The following TYR variants were observed in gnomAD, a reference collection of about 807,000 sequenced individuals.
TYR encodes LB24-AB.
A neutral mutation model predicts 51.5 loss-of-function variants in TYR; 58 were observed. That is an observed-to-expected ratio of 1.13 (90% CI 0.91 to 1.40). The LOEUF is 1.40. TYR is among the 40% of genes most tolerant of loss of function. The pLI, the probability that TYR is intolerant of heterozygous loss-of-function variation, is 0.00. For missense variants in TYR, 732 were observed against 647.4 expected (o/e 1.13, Z -1.42); for synonymous variants, 263 against 235.2 (o/e 1.12, Z -1.08).
intron 4 of TYR, among the ~76,000 whole-genome samples, chr11:89,292,684 T>C (rs1944863655): frequency 6.6e-6 from 1 of 152,166 alleles, no homozygotes; most frequent in Admixed American, 6.5e-5. Context: ...CCCTGGTTTC[T>C]GCTGAACCAG....
At chr11:89,203,733 A>G (rs1943630735) in intron 2 of TYR, among the ~76,000 whole-genome samples, 1 of 152,194 alleles carries the variant, frequency 6.6e-6, no homozygotes, top group African/African-American at 2.4e-5. Context: ...TAACCTAGAA[A>G]CACCCAGAGG....
intron 3 of TYR, among the ~76,000 whole-genome samples, chr11:89,266,887 C>A (rs1476889716): frequency 6.6e-6 from 1 of 151,864 alleles, no homozygotes; most frequent in East Asian, 1.9e-4. Context: ...TGGATTCCTA[C>A]CAAACCATGT....
intron 3 of TYR, among the ~76,000 whole-genome samples, chr11:89,272,818 G>A (rs1009293415): frequency 3.3e-5 from 5 of 151,798 alleles, no homozygotes; most frequent in Non-Finnish European, 5.9e-5. Flanking sequence ...GCTTCACCTG[G>A]CACTTTTATT....
chr11:89,288,190 A>G (rs1027968301), intron 4 of TYR, among the ~76,000 whole-genome samples: 1 of 151,974 alleles, frequency 6.6e-6, no homozygotes, highest in African/African-American at 2.4e-5. Flanking sequence ...TGCGAGAGAC[A>G]TCAGCATATA....
chr11:89,247,111 T>C (rs1321112858), intron 3 of TYR, among the ~76,000 whole-genome samples: 1 of 152,196 alleles, frequency 6.6e-6, no homozygotes, highest in African/African-American at 2.4e-5. Flanking sequence ...ATTATAGTCA[T>C]ATTTGTCTAT....
At chr11:89,184,660 C>T (rs1195249785) in intron 1 of TYR, among the ~76,000 whole-genome samples, 1 of 152,050 alleles carries the variant, frequency 6.6e-6, no homozygotes, top group African/African-American at 2.4e-5. Context: ...TTTGTTGAAA[C>T]AGAAATTATT....
In TYR at chr11:89,247,600, C is replaced by T. The variant is rs1171367767; in HGVS notation, c.1184+19630C>T. On this transcript the variant is annotated intron_variant, in intron 3 of 4. Transcript: ENST00000263321. ...GCTTAAAGGCAGGGGGAAAAAGAAA[C>T]ATGACTTGTCATTATTGCTGAAATC... Among the ~76,000 whole-genome samples the T allele has an allele frequency of 2.0e-5, 3 of 152,096 alleles. No homozygotes were observed. In the East Asian group the frequency reaches 5.8e-4, roughly 29 times the overall value.
chr11:89,274,788 T>G (rs1944632741), intron 3 of TYR, among the ~76,000 whole-genome samples: 1 of 151,786 alleles, frequency 6.6e-6, no homozygotes, highest in African/African-American at 2.4e-5. Context: ...TTTCCCCTCT[T>G]TTGTGTTCAT....
At chr11:89,260,079 A>G (rs1442726460) in intron 3 of TYR, among the ~76,000 whole-genome samples, 1 of 152,002 alleles carries the variant, frequency 6.6e-6, no homozygotes, top group Non-Finnish European at 1.5e-5. Context: ...TTAAAAAGAG[A>G]TTGTATATTT....
At chr11:89,189,753 G>T (rs930967748) in intron 1 of TYR, among the ~76,000 whole-genome samples, 1 of 151,932 alleles carries the variant, frequency 6.6e-6, no homozygotes, top group African/African-American at 2.4e-5. Flanking sequence ...GATAGATGAG[G>T]CCTAGACAGT....
At chr11:89,269,058 G>A (rs1235663768) in intron 3 of TYR, among the ~76,000 whole-genome samples, 1 of 151,882 alleles carries the variant, frequency 6.6e-6, no homozygotes, top group Non-Finnish European at 1.5e-5. Context: ...ATCACAACAT[G>A]GAGAGAGATC....
intron 2 of TYR, among the ~76,000 whole-genome samples, chr11:89,192,943 G>A (rs1388148698): frequency 6.6e-6 from 1 of 152,092 alleles, no homozygotes; most frequent in Non-Finnish European, 1.5e-5. Flanking sequence ...AAGTACCAAA[G>A]TCCAAGTTCT....
intron 3 of TYR, among the ~76,000 whole-genome samples, chr11:89,258,447 C>CAA (rs1234640987): frequency 3.7e-4 from 42 of 114,488 alleles, no homozygotes; most frequent in African/African-American, 1.2e-3. Flanking sequence ...TGAAAATGTG[C>CAA]AAAAAAAAAA....
intron 2 of TYR, among the ~76,000 whole-genome samples, chr11:89,202,942 C>A (rs912248388): frequency 1.3e-5 from 2 of 152,104 alleles, no homozygotes; most frequent in African/African-American, 4.8e-5. Flanking sequence ...TTAGTAAAAT[C>A]TCTAGTGTAA....
intron 3 of TYR, among the ~76,000 whole-genome samples, chr11:89,257,100 A>G (rs1944401706): frequency 6.6e-6 from 1 of 151,986 alleles, no homozygotes; most frequent in African/African-American, 2.4e-5. Context: ...AATAAACAAG[A>G]AGGAACAAGT....
chr11:89,262,891 A>G (rs1235427211), intron 3 of TYR, among the ~76,000 whole-genome samples: 1 of 150,206 alleles, frequency 6.7e-6, no homozygotes, highest in Non-Finnish European at 1.5e-5. Context: ...ACAACAACAA[A>G]GAAAATCTCA....
At chr11:89,266,962 G>C (rs908420485) in intron 3 of TYR, among the ~76,000 whole-genome samples, 1 of 151,938 alleles carries the variant, frequency 6.6e-6, no homozygotes, top group African/African-American at 2.4e-5. Context: ...CAATAGGAAT[G>C]ATATCCTTTT....
intron 2 of TYR, among the ~76,000 whole-genome samples, chr11:89,195,453 T>C (rs1422748768): frequency 1.3e-5 from 2 of 152,022 alleles, no homozygotes; most frequent in African/African-American, 4.8e-5. Flanking sequence ...CCAAGGCAGG[T>C]GGATCACCTG....
At chr11:89,213,603 G>A (rs1277247537) in intron 2 of TYR, among the ~76,000 whole-genome samples, 1 of 151,980 alleles carries the variant, frequency 6.6e-6, no homozygotes, top group Non-Finnish European at 1.5e-5. Context: ...AGATCATATG[G>A]AACCAAAAAG....
Sources: allele counts gnomAD v4.1 joint callset (sites outside exome capture counted in the v4.1 genomes callset), GRCh38; gene constraint gnomAD v4.1.1; transcripts MANE v1.5; gene names NCBI Gene and HGNC (gene_info 2026-07-23, HGNC 2026-07-21).